PPP4C: variants seen among roughly 807,000 people sequenced by gnomAD.
The protein encoded by PPP4C is serine/threonine-protein phosphatase 4 catalytic subunit.
In PPP4C, 10 loss-of-function variants were observed where a neutral mutation model predicts 40.5. That is an observed-to-expected ratio of 0.25 (90% CI 0.15 to 0.42). PPP4C has a LOEUF of 0.42. Among genes scored for constraint, PPP4C ranks in the 10% least tolerant of loss-of-function variants. PPP4C has a pLI of 1.00. For synonymous variants in PPP4C, 187 were observed against 163.6 expected, an observed-to-expected ratio of 1.14 and a Z score of -1.09; for missense variants, 191 against 416.4, an observed-to-expected ratio of 0.46 and a Z score of 4.71.
rs1240435036 is a variant in PPP4C, at chr16:30,076,492, TG to T, written c.98+21del. On this transcript the variant is annotated intron_variant, in intron 2 of 8. Coordinates refer to ENST00000279387, the MANE Select transcript of PPP4C (RefSeq NM_002720.3). ...TAAGGCCAGGTGAGCTCGTTGGCCC[TG>T]GGGAAGGGAGGCCAAGCCGCCGCCC... 1 of 1,597,214 alleles carries T rather than the reference TG, an allele frequency of 6.3e-7. No homozygotes were observed. The highest frequency in any genetic ancestry group is 1.3e-5 in the African/African-American group (1 of 74,592).
intron 2 of PPP4C, among the ~76,000 whole-genome samples, chr16:30,079,711 A>G (rs1359309938): frequency 6.6e-6 from 1 of 152,180 alleles, no homozygotes; most frequent in Non-Finnish European, 1.5e-5. Flanking sequence ...ATACAGAGCA[A>G]GGGGCATAAG....
intron 3 of PPP4C, 47 bp downstream of exon 3, chr16:30,081,357 C>T: frequency 6.6e-7 from 1 of 1,519,252 alleles, no homozygotes; most frequent in Non-Finnish European, 9.1e-7. Context: ...CTTTCAGGCA[C>T]ATGAAGTTTC....
chr16:30,083,399 C>T lies in PPP4C; in HGVS notation c.309C>T (p.Arg103=). 1 of 1,610,850 alleles carries T rather than the reference C, an allele frequency of 6.2e-7. No homozygotes were observed. Among genetic ancestry groups the T allele is most frequent in the Non-Finnish European group, 8.5e-7 (1 of 1,178,086 alleles). Reference sequence around the variant, plus strand: ...GGCTTGGTGGCCACCCCCAGGTTCGCTATCCTGATCGCATCACACTGATCC... The same window carrying T: ...GGCTTGGTGGCCACCCCCAGGTTCGTTATCCTGATCGCATCACACTGATCC... ...TFLLLLALKV[R]YPDRITLIRG... is the part of the protein sequence containing the mutation. The change falls in exon 6 of 9, where the codon CGC becomes CGT. Residue 103 remains arginine (R), a synonymous_variant. Transcript: ENST00000279387. The surrounding 1 kb of genome is among the most constrained non-coding windows in gnomAD (Gnocchi z 6.3).
chr16:30,085,165 C>T lies in PPP4C; in HGVS notation c.*103C>T. ...CTGGGCGTGGGGGGGGCTGTCCTGG[C>T]TCTGCTGTCCCCCAAGAGGGTGCTT... On this transcript the variant is annotated 3_prime_UTR_variant, in exon 9 of 9. Coordinates refer to ENST00000279387, the MANE Select transcript of PPP4C (RefSeq NM_002720.3). 3 of 1,437,876 alleles carry T rather than the reference C, an allele frequency of 2.1e-6. No homozygotes were observed. The highest frequency in any genetic ancestry group is 2.9e-6 in the Non-Finnish European group (3 of 1,049,170). 89.1% of individuals were successfully genotyped at this position (1,437,876 alleles called of 1,614,324 possible). A position where few individuals can be genotyped will look rare whatever the true frequency, so the allele number is the denominator to read the frequency against.
chr16:30,078,032 C>T (rs944177892), intron 2 of PPP4C, among the ~76,000 whole-genome samples: 1 of 152,306 alleles, frequency 6.6e-6, no homozygotes, highest in East Asian at 1.9e-4. Context: ...TGTCCCCTTT[C>T]CCTCAGTCCT....
rs542454142 is a variant in PPP4C, at chr16:30,081,286, G to A, written c.126G>A (p.Val42=). 5.0e-6 allele frequency: 8 copies of A among 1,613,850 alleles called. No individual in the cohort carries two copies. Among genetic ancestry groups the A allele is most frequent in the Admixed American group, 1.7e-5 (1 of 60,020 alleles). ...AREILVEESN[V]QRVDSPVTVC... is the part of the protein sequence containing the mutation. ...AGATCTTGGTAGAGGAGAGCAACGT[G>A]CAGAGGGTGGACTCGCCAGTCACAG... The change falls in exon 3 of 9, where the codon GTG becomes GTA. Residue 42 remains valine, a synonymous_variant. Transcript: ENST00000279387.
At chr16:30,080,901 CAAG>C (rs1476093571) in intron 2 of PPP4C, among the ~76,000 whole-genome samples, 1 of 152,138 alleles carries the variant, frequency 6.6e-6, no homozygotes. Context: ...TGTGATTGGC[CAAG>C]GGTGACTTAA....
At chr16:30,077,907 G>A (rs1278938170) in intron 2 of PPP4C, among the ~76,000 whole-genome samples, 2 of 152,186 alleles carry the variant, frequency 1.3e-5, no homozygotes, top group Non-Finnish European at 2.9e-5. Flanking sequence ...TAGACTACCT[G>A]CAGCCAGACA....
In PPP4C at chr16:30,085,081, C is replaced by G; in HGVS notation, c.*19C>G. 2 of 1,611,672 alleles carry G rather than the reference C, an allele frequency of 1.2e-6. No individual in the cohort carries two copies. Among genetic ancestry groups the G allele is most frequent in the Non-Finnish European group, 1.7e-6 (2 of 1,179,000 alleles). On this transcript the variant is annotated 3_prime_UTR_variant, in exon 9 of 9. Coordinates refer to ENST00000279387, the MANE Select transcript of PPP4C (RefSeq NM_002720.3). ...CCTGTGACCCCGCCCGGCCCCTGCC[C>G]CCTCCAACCCTTCTGGCCCTCGCAC...
intron 1 of PPP4C, 42 bp from the exon 2 acceptor site, chr16:30,076,273 C>T: frequency 3.4e-6 from 4 of 1,178,296 alleles, no homozygotes; most frequent in Non-Finnish European, 4.8e-6. Flanking sequence ...CTCCGAGCCC[C>T]GGACGGACAC....
intron 7 of PPP4C, 63 bp from the exon 8 acceptor site, chr16:30,084,603 G>C: frequency 6.6e-7 from 1 of 1,511,742 alleles, no homozygotes; most frequent in South Asian, 1.2e-5. Flanking sequence ...ACCCTCAAGG[G>C]GCAGCGCTGG....
chr16:30,083,315 T>C lies in PPP4C; in HGVS notation c.304-79T>C. The C allele has an allele frequency of 6.7e-7, 1 of 1,485,740 alleles. No individual in the cohort carries two copies. Among genetic ancestry groups the C allele is most frequent in the Non-Finnish European group, 9.1e-7 (1 of 1,093,918 alleles). The allele number at this position is 1,485,740 out of a possible 1,614,324, so 92.0% of individuals were successfully genotyped here. On this transcript the variant is annotated intron_variant, in intron 5 of 8. Transcript: ENST00000279387. This position sits in a 1 kb window ranked among gnomAD's most constrained non-coding sequence, Gnocchi z 6.3. ...GGCAGTGGTTGTGAGGATGGCAGGC[T>C]GGCGGGCACGAGGAGGTCAGAGAGG...
intron 2 of PPP4C, among the ~76,000 whole-genome samples, chr16:30,078,117 C>T (rs8049837): frequency 0.098 from 14,849 of 152,194 alleles, 1,055 homozygotes; most frequent in African/African-American, 0.19. Flanking sequence ...GTCTCCCTCA[C>T]GGGCCCTGGA....
At position 30,076,014 on chromosome 16, in the gene PPP4C, C is replaced by T. The variant is rs1358962446; in HGVS notation, c.-144C>T. ...GCGGGGCCGGAAGTAGGAGCGGCGG[C>T]GGCGGCGGCGGCGGCGGTCGAAAGC... On this transcript the variant is annotated 5_prime_UTR_variant, in exon 1 of 9. Transcript: ENST00000279387. The T allele has an allele frequency of 1.9e-5, 7 of 364,250 alleles. No homozygotes were observed. Among genetic ancestry groups the T allele is most frequent in the African/African-American group, 4.4e-5 (2 of 45,006 alleles). The allele number at this position is 364,250 out of a possible 1,614,324, so 22.6% of individuals were successfully genotyped here.
At position 30,083,672 on chromosome 16, in the gene PPP4C, G is replaced by C; in HGVS notation, c.495G>C (p.Gly165=). The C allele has an allele frequency of 2.5e-6, 4 of 1,614,148 alleles. No homozygotes were observed. The highest frequency in any genetic ancestry group is 3.4e-6 in the Non-Finnish European group (4 of 1,180,024). The change falls in exon 7 of 9, where the codon GGG becomes GGC. Residue 165 remains glycine (G), a synonymous_variant. Transcript: ENST00000279387. The surrounding 1 kb of genome is among the most constrained non-coding windows in gnomAD (Gnocchi z 6.3). ...CCCTGTAGATCTTCTGCGTGCACGG[G>C]GGCCTCTCCCCCTCCATCCAGACCC... The part of the protein sequence containing the change: ...IIDGKIFCVH[G]GLSPSIQTLD...
At chr16:30,076,510 C>G (rs373709777) in intron 2 of PPP4C, 35 bp downstream of exon 2, 110 of 1,569,998 alleles carry the variant, frequency 7.0e-5, no homozygotes, top group Non-Finnish European at 9.4e-5. Flanking sequence ...GGAGGCCAAG[C>G]CGCCGCCCAC....
chr16:30,084,740 G>A lies in PPP4C; in HGVS notation c.679G>A (p.Ala227Thr), dbSNP rs769343982. The change falls in exon 8 of 9, where the codon GCA (alanine) becomes ACA (threonine). Residue 227 changes from alanine to threonine, a missense_variant. Around this residue, in one of 3 missense-constraint regions of PPP4C, gnomAD observed 171 missense variants for 352.4 expected, o/e 0.49. Transcript: ENST00000279387. Reference sequence around the variant, plus strand: ...CAGTGACGTGGTGGCCCAGTTCAACGCAGCCAATGACATTGACATGATCTG... The same window carrying A: ...CAGTGACGTGGTGGCCCAGTTCAACACAGCCAATGACATTGACATGATCTG... ...FGSDVVAQFN[A>T]ANDIDMICRA... 9.9e-6 allele frequency: 16 copies of A among 1,614,248 alleles called. No homozygotes were observed. The highest frequency in any genetic ancestry group is 1.4e-5 in the Non-Finnish European group (16 of 1,180,042).
Position 30,084,716 on chromosome 16 carries a change from A to G in PPP4C, c.655A>G (p.Ser219Gly). The G allele has an allele frequency of 6.2e-7, 1 of 1,614,250 alleles. No individual in the cohort carries two copies. Among genetic ancestry groups the G allele is most frequent in the Non-Finnish European group, 8.5e-7 (1 of 1,180,038 alleles). Reference protein sequence around the residue: ...SPRGAGYLFGSDVVAQFNAAN... With the variant: ...SPRGAGYLFGGDVVAQFNAAN... The stretch of plus-strand genomic sequence containing the variant: ...CCGAGGAGCCGGCTACCTATTTGGC[A>G]GTGACGTGGTGGCCCAGTTCAACGC... The change falls in exon 8 of 9, where the codon AGT becomes GGT. Residue 219 changes from serine (S) to glycine (G), a missense_variant. This residue lies in a region of PPP4C where 171 missense variants were observed against 352.4 expected (regional missense o/e 0.49). Transcript: ENST00000279387.
At chr16:30,084,547 TG>T in intron 7 of PPP4C, 118 bp from the exon 8 acceptor site, 1 of 871,108 alleles carries the variant, frequency 1.1e-6, no homozygotes, top group Non-Finnish European at 1.9e-6. Flanking sequence ...CCCCATGCTC[TG>T]GTCCCACGGG....
Sources: gnomAD v4.1 joint callset for allele counts (sites outside exome capture counted in the v4.1 genomes callset) on GRCh38, gnomAD v4.1.1 for gene constraint, gnomAD v4.1.1 regional missense constraint, Gnocchi (gnomAD v3.1) non-coding constraint, MANE v1.5 for transcripts, NCBI Gene and HGNC (gene_info 2026-07-23, HGNC 2026-07-21) for gene names.